DRAM2: variants seen among roughly 807,000 people sequenced by gnomAD.
The protein encoded by DRAM2 is DNA damage-regulated autophagy modulator protein 2.
DRAM2 carries 26 observed loss-of-function variants against 33.5 expected under a neutral mutation model. The ratio of observed to expected loss-of-function variants is 0.78; its 90% confidence interval spans 0.57 to 1.08. The LOEUF (loss-of-function observed/expected upper bound fraction) is 1.08, where lower values mean the gene tolerates loss of function less well. Among genes scored for constraint, DRAM2 ranks in the 50% least tolerant of loss-of-function variants. The probability of loss-of-function intolerance (pLI) is 0.00; values close to 1 mark genes in which losing one functional copy is unlikely to be tolerated. For synonymous variants in DRAM2, 98 were observed against 109.5 expected (o/e 0.89, Z 0.66); for missense variants, 311 against 318.1 (o/e 0.98, Z 0.17).
rs1249387725 is a variant in DRAM2, at chr1:111,136,060, C to G, written c.-15+1463G>C. ...ATTCTATTTCTACAAGTCATTTAAACCATTCTTCTTCCCAGTTCACACTGT... is the reference window on the plus strand; with the variant it reads ...ATTCTATTTCTACAAGTCATTTAAAGCATTCTTCTTCCCAGTTCACACTGT... On this transcript the variant is annotated intron_variant, in intron 3 of 9. Coordinates refer to ENST00000484310, the MANE Select transcript of DRAM2 (RefSeq NM_001349884.2). 2.0e-5 allele frequency among the ~76,000 whole-genome samples: 3 copies of G among 152,290 alleles called. No individual in the cohort carries two copies. The South Asian group carries it at 6.2e-4, about 32-fold the overall frequency.
At position 111,120,618 on chromosome 1, in the gene DRAM2, G is replaced by C. The variant is rs1376194917; in HGVS notation, c.415C>G (p.Gln139Glu). The C allele has an allele frequency of 1.2e-6, 2 of 1,611,784 alleles. No homozygotes were observed. Among genetic ancestry groups the C allele is most frequent in the Non-Finnish European group, 1.7e-6 (2 of 1,178,686 alleles). The change falls in exon 7 of 10, where the codon CAG (glutamine) becomes GAG (glutamate). Residue 139 changes from glutamine (Q) to glutamate (E), a missense_variant. By Grantham distance (29) the Gln-to-Glu change is conservative. Transcript: ENST00000484310. ...FGMGSLYMFV[Q>E]TILSYQMQPK... is the part of the protein sequence containing the mutation. ...TGCATTTGGTAGGAAAGGATGGTCT[G>C]AACAAACATATATAATGAGCCCATA...
At chr1:111,126,328 C>T (rs377044261) in intron 4 of DRAM2, 34 bp from the exon 5 acceptor site, 33 of 1,297,420 alleles carry the variant, frequency 2.5e-5, no homozygotes, top group Non-Finnish European at 5.6e-6. Flanking sequence ...GTGGATTTCT[C>T]ATACTAGATA....
intron 4 of DRAM2, among the ~76,000 whole-genome samples, chr1:111,129,160 C>T (rs893763153): frequency 2.0e-5 from 3 of 152,116 alleles, no homozygotes; most frequent in Admixed American, 6.6e-5. Flanking sequence ...TTTAATCTTC[C>T]AATTTATCAT....
chr1:111,128,515 G>A (rs779731304), intron 4 of DRAM2, among the ~76,000 whole-genome samples: 13 of 152,176 alleles, frequency 8.5e-5, no homozygotes, highest in Non-Finnish European at 1.9e-4. Flanking sequence ...CTCGGTATCT[G>A]TGGGGGACTG....
chr1:111,119,210 G>C lies in DRAM2; in HGVS notation c.601-313C>G, dbSNP rs376529304. Among the ~76,000 whole-genome samples, 12 of 152,032 alleles carry C rather than the reference G, an allele frequency of 7.9e-5. No individual in the cohort carries two copies. In the East Asian group the frequency reaches 1.5e-3, roughly 20 times the overall value. ...CCCAAAGCCATAAGATTCATAATAT[G>C]CAACTAAGAAAAGTTTAACAATGCT... On this transcript the variant is annotated intron_variant, in intron 8 of 9. Transcript: ENST00000484310.
At chr1:111,121,834 A>G (rs1650109926) in intron 6 of DRAM2, among the ~76,000 whole-genome samples, 1 of 152,138 alleles carries the variant, frequency 6.6e-6, no homozygotes, top group Non-Finnish European at 1.5e-5. Flanking sequence ...CTGGAGATAC[A>G]ATGGTGAACG....
chr1:111,128,134 C>CAATT (rs1553229270), intron 4 of DRAM2: 4 of 102,304 alleles, frequency 3.9e-5, no homozygotes, highest in African/African-American at 1.5e-4. Context: ...TTCTTCGTTT[C>CAATT]TTTTTTTTTT....
chr1:111,124,625 C>T (rs1352099225), intron 6 of DRAM2, 117 bp downstream of exon 6: 8 of 1,101,856 alleles, frequency 7.3e-6, no homozygotes, highest in Non-Finnish European at 7.8e-6. Context: ...GAAGTGATTT[C>T]TATTTTGCTA....
At chr1:111,132,567 C>A (rs1054964143) in intron 3 of DRAM2, among the ~76,000 whole-genome samples, 1 of 152,092 alleles carries the variant, frequency 6.6e-6, no homozygotes, top group African/African-American at 2.4e-5. Context: ...TAGGGGATAT[C>A]CAATTGGTGT....
chr1:111,124,532 A>G (rs1365811407), intron 6 of DRAM2, among the ~76,000 whole-genome samples: 1 of 152,198 alleles, frequency 6.6e-6, no homozygotes, highest in Non-Finnish European at 1.5e-5. Flanking sequence ...AAGTTAAAAT[A>G]ATTTGTATTT....
At chr1:111,118,700 T>G (rs750872505) in intron 9 of DRAM2, 105 bp downstream of exon 9, 29 of 744,426 alleles carry the variant, frequency 3.9e-5, no homozygotes, top group Non-Finnish European at 5.6e-5. Flanking sequence ...AACAGTTAAT[T>G]TTCAAAAAGG....
intron 4 of DRAM2, among the ~76,000 whole-genome samples, chr1:111,126,563 T>A (rs2101053009): frequency 6.6e-6 from 1 of 152,178 alleles, no homozygotes; most frequent in Middle Eastern, 3.4e-3. Context: ...CTGTCCTTGG[T>A]ATGTTAAGAC....
intron 6 of DRAM2, 32 bp from the exon 7 acceptor site, chr1:111,120,725 A>G (rs138175116): frequency 7.1e-5 from 104 of 1,463,022 alleles, no homozygotes; most frequent in Non-Finnish European, 9.3e-5. Context: ...TACGTCAATA[A>G]AAGAAACTCA....
intron 5 of DRAM2, among the ~76,000 whole-genome samples, chr1:111,125,121 T>C (rs1650758451): frequency 1.3e-5 from 2 of 152,108 alleles, no homozygotes; most frequent in East Asian, 1.9e-4. Flanking sequence ...AAGTGATCCA[T>C]TAGCCTCAGC....
chr1:111,123,143 C>G (rs1007468387), intron 6 of DRAM2, among the ~76,000 whole-genome samples: 3 of 152,142 alleles, frequency 2.0e-5, no homozygotes, highest in African/African-American at 7.2e-5. Context: ...GCTACAGAAA[C>G]TGATTAGGGA....
intron 7 of DRAM2, 31 bp downstream of exon 7, chr1:111,120,485 A>C (rs745348846): frequency 3.5e-5 from 50 of 1,441,148 alleles, no homozygotes; most frequent in Non-Finnish European, 4.5e-5. Context: ...ATTCCTTTCC[A>C]AGTGTAGCCA....
chr1:111,124,638 G>A (rs973228227), intron 6 of DRAM2, 104 bp downstream of exon 6: 4 of 1,259,700 alleles, frequency 3.2e-6, no homozygotes, highest in African/African-American at 3.1e-5. Context: ...TTTTGCTAAG[G>A]TAAAGAAATA....
chr1:111,135,725 A>T (rs1365256921), intron 3 of DRAM2, among the ~76,000 whole-genome samples: 1 of 152,170 alleles, frequency 6.6e-6, no homozygotes, highest in Non-Finnish European at 1.5e-5. Flanking sequence ...CTCTGAGAAC[A>T]CTTGACTTTC....
At position 111,118,257 on chromosome 1, in the gene DRAM2, A is replaced by T; in HGVS notation, c.704T>A (p.Leu235Ter). ...TYIRDFQKIS[L>*]RVEANLHGLT... ...TCCATGTAAATTGGCTTCCACCCGT[A>T]AAGAAATTTTCTGGAACAGAAAAGA... Residue 235 changes from leucine (L) to a stop codon, truncating the protein, a stop_gained, in exon 10 of 10, where the codon TTA becomes TAA. Transcript: ENST00000484310. LOFTEE classifies it high-confidence loss of function. The T allele has an allele frequency of 6.2e-7, 1 of 1,611,178 alleles. No homozygotes were observed. The highest frequency in any genetic ancestry group is 8.5e-7 in the Non-Finnish European group (1 of 1,178,722).
Sources: gnomAD v4.1 joint callset for allele counts (sites outside exome capture counted in the v4.1 genomes callset) on GRCh38, gnomAD v4.1.1 for gene constraint, MANE v1.5 for transcripts, NCBI Gene and HGNC (gene_info 2026-07-23, HGNC 2026-07-21) for gene names.